Variants in NAP1L1 observed in about 807,000 individuals in gnomAD.
NAP1L1 encodes nucleosome assembly protein 1-like 1.
A neutral mutation model predicts 58.9 loss-of-function variants in NAP1L1; 9 were observed. The observed-to-expected ratio is 0.15, with a 90% CI of 0.09 to 0.27. The LOEUF (loss-of-function observed/expected upper bound fraction) is 0.27, where lower values mean the gene tolerates loss of function less well. Ranked by LOEUF, NAP1L1 falls within the 10% of genes least tolerant of loss-of-function variation. The pLI, the probability that NAP1L1 is intolerant of heterozygous loss-of-function variation, is 1.00. For synonymous variants in NAP1L1, 130 were observed against 138.3 expected (o/e 0.94, Z 0.42); for missense variants, 302 against 458.8 (o/e 0.66, Z 3.12).
intron 1 of NAP1L1, chr12:76,084,095 GTTCTT>G (rs1444911607): frequency 6.7e-6 from 1 of 150,040 alleles, no homozygotes; most frequent in East Asian, 2.0e-4. Context: ...AGCCTCCGCC[GTTCTT>G]TTCATCTCCC....
At chr12:76,080,613 G>A (rs1950365091) in intron 1 of NAP1L1, among the ~76,000 whole-genome samples, 1 of 152,168 alleles carries the variant, frequency 6.6e-6, no homozygotes, top group African/African-American at 2.4e-5. Context: ...CATTAACCAT[G>A]CATGACTGTG....
intron 2 of NAP1L1, among the ~76,000 whole-genome samples, chr12:76,069,573 G>A (rs1949849830): frequency 6.6e-6 from 1 of 152,186 alleles, no homozygotes; most frequent in Admixed American, 6.5e-5. Flanking sequence ...GCATCCTAGA[G>A]AATGAAAGCC....
chr12:76,058,294 T>A (rs1949229305), intron 6 of NAP1L1, among the ~76,000 whole-genome samples: 1 of 151,088 alleles, frequency 6.6e-6, no homozygotes, highest in African/African-American at 2.4e-5. Flanking sequence ...AGGCTGCTTA[T>A]TTTTTTATTG....
intron 1 of NAP1L1, among the ~76,000 whole-genome samples, chr12:76,076,036 C>T (rs566224172): frequency 9.2e-5 from 14 of 152,260 alleles, no homozygotes; most frequent in African/African-American, 3.4e-4. Context: ...ATATGTCCAT[C>T]TCCAGATTTA....
rs1437776931 is a variant in NAP1L1, at chr12:76,044,986, TTCACCA to T, written c.*3437_*3442del. 6.6e-6 allele frequency: 1 copy of T among 152,148 alleles called. No individual in the cohort carries two copies. The highest frequency in any genetic ancestry group is 1.5e-5 in the Non-Finnish European group (1 of 68,004). 9.4% of individuals were successfully genotyped at this position (152,148 alleles called of 1,614,324 possible). ...TCTATTAAGTTAACTGCAGTATTATTTCACCATCACCATTTACATGTACTTTTCAGG... is the reference window on the plus strand; with the variant it reads ...TCTATTAAGTTAACTGCAGTATTATTTCACCATTTACATGTACTTTTCAGG... On this transcript the variant is annotated 3_prime_UTR_variant, in exon 15 of 15. Coordinates refer to ENST00000618691, the MANE Select transcript of NAP1L1 (RefSeq NM_004537.7).
chr12:76,063,277 A>C (rs993655248), intron 4 of NAP1L1, among the ~76,000 whole-genome samples: 5 of 152,210 alleles, frequency 3.3e-5, no homozygotes, highest in African/African-American at 1.2e-4. Flanking sequence ...TAAATTTAAG[A>C]AATCAACAGG....
intron 11 of NAP1L1, among the ~76,000 whole-genome samples, chr12:76,051,391 T>C (rs1948821638): frequency 6.6e-6 from 1 of 151,816 alleles, no homozygotes; most frequent in Non-Finnish European, 1.5e-5. Context: ...GTTAAGTACA[T>C]AGCAAATAGA....
intron 6 of NAP1L1, among the ~76,000 whole-genome samples, chr12:76,059,374 G>A (rs542065397): frequency 2.6e-5 from 4 of 152,324 alleles, no homozygotes; most frequent in African/African-American, 9.6e-5. Flanking sequence ...TAAATTACAT[G>A]AGTAAAATTC....
rs1405721918 is a variant in NAP1L1 at position 76,049,739 on chromosome 12, C to T, written c.1089+17G>A. 2.5e-6 allele frequency: 4 copies of T among 1,612,262 alleles called. No individual in the cohort carries two copies. Among genetic ancestry groups the T allele is most frequent in the Admixed American group, 1.7e-5 (1 of 59,820 alleles). ...TGTTAACCACAGAGAATTATTTGCTCATTTGGTAAACATTACCTCATCCGC... is the reference window on the plus strand; with the variant it reads ...TGTTAACCACAGAGAATTATTTGCTTATTTGGTAAACATTACCTCATCCGC... On this transcript the variant is annotated intron_variant, in intron 13 of 14. Coordinates refer to ENST00000618691, the MANE Select transcript of NAP1L1 (RefSeq NM_004537.7).
rs186190749 is a variant in NAP1L1, at chr12:76,069,289, A to G, written c.18-295T>C. Reference sequence around the variant, plus strand: ...TCAACAAGTACGTGCATTCAACCGAATATCTACTGATTTTACTTTTCCTTC... The same window carrying G: ...TCAACAAGTACGTGCATTCAACCGAGTATCTACTGATTTTACTTTTCCTTC... On this transcript the variant is annotated intron_variant, in intron 2 of 14. Coordinates refer to ENST00000618691, the MANE Select transcript of NAP1L1 (RefSeq NM_004537.7). Among the ~76,000 whole-genome samples, 62 of 152,352 alleles carry G rather than the reference A, an allele frequency of 4.1e-4. 1 individual carries two copies. Among genetic ancestry groups the G allele is most frequent in the East Asian group, 2.3e-3 (12 of 5,192 alleles).
intron 4 of NAP1L1, among the ~76,000 whole-genome samples, chr12:76,062,747 A>G (rs1949475854): frequency 6.6e-6 from 1 of 152,236 alleles, no homozygotes; most frequent in Non-Finnish European, 1.5e-5. Context: ...ATGGACGACA[A>G]AAGTAGCAAT....
At chr12:76,063,908 T>C (rs1051164826) in intron 4 of NAP1L1, among the ~76,000 whole-genome samples, 7 of 135,068 alleles carry the variant, frequency 5.2e-5, no homozygotes, top group Admixed American at 7.4e-5. Context: ...AAAAAGAGGC[T>C]GGGGGTGATG....
intron 6 of NAP1L1, among the ~76,000 whole-genome samples, chr12:76,058,294 T>C (rs1949229305): frequency 6.6e-6 from 1 of 151,088 alleles, no homozygotes; most frequent in African/African-American, 2.4e-5. Flanking sequence ...AGGCTGCTTA[T>C]TTTTTTATTG....
intron 13 of NAP1L1, 131 bp downstream of exon 13, chr12:76,049,625 A>C: frequency 6.6e-7 from 1 of 1,523,258 alleles, no homozygotes; most frequent in Middle Eastern, 1.9e-4. Context: ...GTAGAATTCT[A>C]AAATCATGTT....
At chr12:76,061,358 C>T (rs920239829) in intron 4 of NAP1L1, among the ~76,000 whole-genome samples, 6 of 152,178 alleles carry the variant, frequency 3.9e-5, no homozygotes, top group Non-Finnish European at 8.8e-5. Flanking sequence ...TTAGCTCCTA[C>T]TGGTAAGTAA....
chr12:76,060,378 G>A (rs1592646819), intron 4 of NAP1L1, 99 bp from the exon 5 acceptor site: 1 of 1,235,956 alleles, frequency 8.1e-7, no homozygotes, highest in Non-Finnish European at 1.1e-6. Context: ...GTGAATGACA[G>A]GTTTTTTATC....
intron 1 of NAP1L1, among the ~76,000 whole-genome samples, chr12:76,081,327 A>G (rs1169907986): frequency 2.0e-5 from 3 of 152,232 alleles, no homozygotes; most frequent in African/African-American, 7.2e-5. Flanking sequence ...AAATGAGCTA[A>G]TAATACACAC....
chr12:76,074,324 C>G, intron 1 of NAP1L1, 85 bp from the exon 2 acceptor site: 1 of 1,400,696 alleles, frequency 7.1e-7, no homozygotes, highest in Non-Finnish European at 9.3e-7. Context: ...AAATCAATAC[C>G]ATACTGAAAA....
Position 76,045,827 on chromosome 12 carries a change from T to A in NAP1L1, c.*2602A>T, listed in dbSNP as rs1258332880. 1 of 152,088 alleles carries A rather than the reference T, an allele frequency of 6.6e-6. No homozygotes were observed. The highest frequency in any genetic ancestry group is 2.4e-5 in the African/African-American group (1 of 41,452). 9.4% of individuals were successfully genotyped at this position (152,088 alleles called of 1,614,324 possible). ...TCAGTTTTCTTTATAAGTGATTATA[T>A]GATATTTCACCATTTCTAACAGGAA... On this transcript the variant is annotated 3_prime_UTR_variant, in exon 15 of 15. Transcript: ENST00000618691.
Sources: allele counts gnomAD v4.1 joint callset (sites outside exome capture counted in the v4.1 genomes callset), GRCh38; gene constraint gnomAD v4.1.1; transcripts MANE v1.5; gene names NCBI Gene and HGNC (gene_info 2026-07-23, HGNC 2026-07-21).